Variants in SPOCK1 observed in about 807,000 individuals in gnomAD.
SPOCK1 encodes the protein SPARC (osteonectin), cwcv and kazal like domains proteoglycan 1.
In SPOCK1, 23 loss-of-function variants were observed where a neutral mutation model predicts 55.3. The observed-to-expected ratio is 0.42, with a 90% CI of 0.30 to 0.59. SPOCK1 has a LOEUF of 0.59. SPOCK1 is among the 20% of genes least tolerant of loss of function. The probability of loss-of-function intolerance (pLI) is 0.22; values close to 1 mark genes in which losing one functional copy is unlikely to be tolerated. For missense variants in SPOCK1, 499 were observed against 552.5 expected, an observed-to-expected ratio of 0.90 and a Z score of 0.97; for synonymous variants, 226 against 221.0, an observed-to-expected ratio of 1.02 and a Z score of -0.20.
chr5:137,243,731 TC>T (rs1756336699), intron 3 of SPOCK1, among the ~76,000 whole-genome samples: 1 of 152,174 alleles, frequency 6.6e-6, no homozygotes. Flanking sequence ...ATCTGCTAAA[TC>T]CCTTATTATG....
At chr5:137,204,220 C>T (rs925139007) in intron 3 of SPOCK1, among the ~76,000 whole-genome samples, 2 of 147,770 alleles carry the variant, frequency 1.4e-5, no homozygotes, top group Admixed American at 1.3e-4. Context: ...ATGTTAGATG[C>T]TAATATTATT....
rs867103321 is a variant in SPOCK1 at position 137,027,690 on chromosome 5, C to T, written c.590-35090G>A. Among the ~76,000 whole-genome samples the T allele has an allele frequency of 3.9e-4, 60 of 152,226 alleles. No individual in the cohort carries two copies. In the Middle Eastern group the frequency reaches 0.031, roughly 78 times the overall value. On this transcript the variant is annotated intron_variant, in intron 6 of 10. Transcript: ENST00000394945. ...GGTGTTTTAACAGAGTAGGTCTCTC[C>T]AGGCATGGGGAGGCTTCTTCCATCA...
At chr5:137,479,163 C>T (rs1247114934) in intron 2 of SPOCK1, among the ~76,000 whole-genome samples, 1 of 151,792 alleles carries the variant, frequency 6.6e-6, no homozygotes, top group Non-Finnish European at 1.5e-5. Flanking sequence ...TGTTTCTCCA[C>T]TTGGGCCTTT....
In SPOCK1 at chr5:137,237,448, C is replaced by T. The variant is rs547375311; in HGVS notation, c.232+29562G>A. 2.0e-5 allele frequency among the ~76,000 whole-genome samples: 3 copies of T among 152,296 alleles called. No individual in the cohort carries two copies. The East Asian group carries it at 5.8e-4, about 29-fold the overall frequency. On this transcript the variant is annotated intron_variant, in intron 3 of 10. Coordinates refer to ENST00000394945, the MANE Select transcript of SPOCK1 (RefSeq NM_004598.4). ...AACTGCTTTCACTCCTAAAATGAAG[C>T]CTAACCAGTTTGTTTAAGACCTCTG...
At chr5:137,052,349 T>C (rs982031965) in intron 6 of SPOCK1, among the ~76,000 whole-genome samples, 3 of 152,218 alleles carry the variant, frequency 2.0e-5, no homozygotes, top group Admixed American at 1.3e-4. Context: ...AGCTACCTTT[T>C]TCTTAACCCA....
At chr5:137,154,744 A>G (rs1016883770) in intron 3 of SPOCK1, among the ~76,000 whole-genome samples, 6 of 152,168 alleles carry the variant, frequency 3.9e-5, no homozygotes, top group South Asian at 2.1e-4. Context: ...GGCTGCTTCA[A>G]CACAGGGTTC....
chr5:137,277,181 A>T, intron 2 of SPOCK1, among the ~76,000 whole-genome samples: 1 of 151,976 alleles, frequency 6.6e-6, no homozygotes, highest in East Asian at 1.9e-4. Flanking sequence ...TGCCCAGCTA[A>T]TTTTTAAATT....
At chr5:137,137,713 G>A (rs558137349) in intron 4 of SPOCK1, among the ~76,000 whole-genome samples, 14 of 152,290 alleles carry the variant, frequency 9.2e-5, no homozygotes, top group South Asian at 2.1e-4. Context: ...TCATCCTCAC[G>A]CTAAACCTCA....
At chr5:137,301,613 A>ATACTCATTAAGCAT (rs1757590135) in intron 2 of SPOCK1, among the ~76,000 whole-genome samples, 1 of 145,250 alleles carries the variant, frequency 6.9e-6, no homozygotes, top group South Asian at 2.2e-4. Context: ...ACCAGCAAAC[A>ATACTCATTAAGCAT]TACTCATTAA....
intron 3 of SPOCK1, among the ~76,000 whole-genome samples, chr5:137,159,899 T>C (rs769220780): frequency 6.6e-6 from 1 of 152,182 alleles, no homozygotes; most frequent in African/African-American, 2.4e-5. Context: ...TTTTTGCCAA[T>C]CCATGTCTAT....
intron 2 of SPOCK1, among the ~76,000 whole-genome samples, chr5:137,460,432 AAC>A (rs1753459442): frequency 6.6e-6 from 1 of 152,166 alleles, no homozygotes; most frequent in African/African-American, 2.4e-5. Context: ...GCACTTAGGG[AAC>A]ACAGAAGAGC....
At chr5:137,462,450 C>T (rs1375893532) in intron 2 of SPOCK1, among the ~76,000 whole-genome samples, 2 of 152,184 alleles carry the variant, frequency 1.3e-5, no homozygotes, top group African/African-American at 4.8e-5. Flanking sequence ...TTCCTGCAAG[C>T]CACAGACACT....
intron 2 of SPOCK1, among the ~76,000 whole-genome samples, chr5:137,305,571 C>T (rs1443004034): frequency 2.0e-5 from 3 of 152,216 alleles, no homozygotes; most frequent in Admixed American, 6.5e-5. Flanking sequence ...TCAACAACAC[C>T]GACAGGTTTC....
At chr5:137,034,922 C>T (rs953825061) in intron 6 of SPOCK1, among the ~76,000 whole-genome samples, 3 of 152,108 alleles carry the variant, frequency 2.0e-5, no homozygotes, top group Non-Finnish European at 4.4e-5. Flanking sequence ...CACATGCGGG[C>T]GGCCCAGAGG....
intron 2 of SPOCK1, among the ~76,000 whole-genome samples, chr5:137,370,055 G>A (rs1012502941): frequency 6.6e-6 from 1 of 152,082 alleles, no homozygotes; most frequent in African/African-American, 2.4e-5. Flanking sequence ...TAGCTGGCCC[G>A]CTTATTCTGG....
chr5:137,415,780 T>C (rs1219579013), intron 2 of SPOCK1, among the ~76,000 whole-genome samples: 2 of 152,228 alleles, frequency 1.3e-5, no homozygotes, highest in Non-Finnish European at 2.9e-5. Context: ...TGCTGATCTA[T>C]ATCCACTTAC....
chr5:137,422,294 TG>T (rs1014470461), intron 2 of SPOCK1, among the ~76,000 whole-genome samples: 2 of 152,232 alleles, frequency 1.3e-5, no homozygotes, highest in African/African-American at 4.8e-5. Context: ...AGTATCTTTG[TG>T]GCATTCTCTG....
intron 2 of SPOCK1, among the ~76,000 whole-genome samples, chr5:137,292,426 T>TAAAAAAAA (rs753574851): frequency 2.6e-5 from 1 of 38,006 alleles, no homozygotes; most frequent in Non-Finnish European, 4.8e-5. Flanking sequence ...CTGGTGTAGT[T>TAAAAAAAA]AAAAAAAAAA....
At chr5:137,382,351 C>T (rs1042302993) in intron 2 of SPOCK1, among the ~76,000 whole-genome samples, 3 of 152,242 alleles carry the variant, frequency 2.0e-5, no homozygotes, top group African/African-American at 4.8e-5. Context: ...CTTCCAACCT[C>T]TGCCTGTTAC....
Sources: allele counts gnomAD v4.1 joint callset (sites outside exome capture counted in the v4.1 genomes callset), GRCh38; gene constraint gnomAD v4.1.1; transcripts MANE v1.5; gene names NCBI Gene and HGNC (gene_info 2026-07-23, HGNC 2026-07-21).